ZNF454: variants seen among roughly 807,000 people sequenced by gnomAD.
ZNF454 encodes zinc finger protein 454.
Under a neutral mutation model 48.2 loss-of-function variants are expected in ZNF454, and 30 were observed. The observed-to-expected ratio is 0.62, with a 90% CI of 0.47 to 0.84. The LOEUF (loss-of-function observed/expected upper bound fraction) is 0.84. Ranked by LOEUF, ZNF454 falls within the 40% of genes least tolerant of loss-of-function variation. The pLI is 0.00. For missense variants in ZNF454, 510 were observed against 623.1 expected (o/e 0.82, Z 1.93); for synonymous variants, 204 against 211.4 (o/e 0.97, Z 0.30).
chr5:178,949,680 A>T (rs182506157), intron 4 of ZNF454, among the ~76,000 whole-genome samples: 3 of 151,882 alleles, frequency 2.0e-5, no homozygotes, highest in Middle Eastern at 3.4e-3. Flanking sequence ...GCAGTGGCGC[A>T]ATCTTGGTTC....
At chr5:178,948,647 C>G (rs1012536449) in intron 4 of ZNF454, among the ~76,000 whole-genome samples, 1 of 152,116 alleles carries the variant, frequency 6.6e-6, no homozygotes, top group Admixed American at 6.6e-5. Context: ...TTCTGAGTTT[C>G]GTGGAGATGC....
At chr5:178,974,353 T>C in the ZNF454 span, among the ~76,000 whole-genome samples, 1 of 152,150 alleles carries the variant, frequency 6.6e-6, no homozygotes, top group Non-Finnish European at 1.5e-5. Context: ...GGAGTCTCGC[T>C]GTGTCGCCAG....
downstream of ZNF454, among the ~76,000 whole-genome samples, chr5:178,968,028 C>T (rs538556429): frequency 7.1e-4 from 108 of 151,922 alleles, no homozygotes; most frequent in Non-Finnish European, 1.1e-3. Context: ...CATGAGCCAC[C>T]GCACCCGGCC....
chr5:178,976,915 G>A, the ZNF454 span, among the ~76,000 whole-genome samples: 1 of 152,124 alleles, frequency 6.6e-6, no homozygotes, highest in African/African-American at 2.4e-5. Flanking sequence ...GACCCAATCT[G>A]GCAGATTGTA....
chr5:178,986,082 C>G, the ZNF454 span: 2 of 1,563,456 alleles, frequency 1.3e-6, no homozygotes, highest in African/African-American at 2.7e-5. Context: ...TGTAACGTTG[C>G]GGACAGTCCC....
the ZNF454 span, chr5:178,989,542 C>G: frequency 9.0e-7 from 1 of 1,108,840 alleles, no homozygotes; most frequent in East Asian, 2.4e-5. Context: ...TAGGCATGGC[C>G]AGGTGAGCTA....
chr5:178,953,399 C>A (rs1759630499), intron 4 of ZNF454, among the ~76,000 whole-genome samples: 1 of 152,058 alleles, frequency 6.6e-6, no homozygotes, highest in South Asian at 2.1e-4. Context: ...TTAATTTGAT[C>A]TCATTATTTC....
At chr5:178,970,201 C>G (rs929399213), downstream of ZNF454, among the ~76,000 whole-genome samples, 1 of 152,112 alleles carries the variant, frequency 6.6e-6, no homozygotes, top group Non-Finnish European at 1.5e-5. Flanking sequence ...ATAGCCTCCC[C>G]TTATCTGATT....
the ZNF454 span, chr5:178,985,228 A>G: frequency 4.4e-6 from 2 of 455,200 alleles, no homozygotes; most frequent in Non-Finnish European, 8.8e-6. Flanking sequence ...ATGTGAGCCA[A>G]ATTGTAGAAG....
At chr5:178,972,406 A>G in the ZNF454 span, among the ~76,000 whole-genome samples, 2 of 151,460 alleles carry the variant, frequency 1.3e-5, no homozygotes, top group Non-Finnish European at 2.9e-5. Context: ...AAACATTTCC[A>G]TGAGCCCCTA....
the ZNF454 span, among the ~76,000 whole-genome samples, chr5:178,984,169 G>C: frequency 6.6e-6 from 1 of 151,808 alleles, no homozygotes; most frequent in East Asian, 2.0e-4. Flanking sequence ...CTAGAACAAG[G>C]CTCCAGGTGG....
chr5:178,974,087 C>T, the ZNF454 span, among the ~76,000 whole-genome samples: 1 of 152,064 alleles, frequency 6.6e-6, no homozygotes, highest in Non-Finnish European at 1.5e-5. Flanking sequence ...GAGTCTATGG[C>T]AGGAAAACGT....
chr5:178,947,115 C>T lies in ZNF454; in HGVS notation c.250+129C>T, dbSNP rs946486215. ...AGAAAGAGCCTGTTTCACATTCGTT[C>T]ACCTGAATACCTTGTTGCTACTTTT... is the stretch of plus-strand genomic sequence containing the variant. On this transcript the variant is annotated intron_variant, in intron 4 of 4. Coordinates refer to ENST00000519564, the MANE Select transcript of ZNF454 (RefSeq NM_001178089.3). 1.2e-5 allele frequency: 9 copies of T among 732,308 alleles called. No individual in the cohort carries two copies. In the African/African-American group the frequency reaches 1.4e-4, roughly 11 times the overall value. The allele number at this position is 732,308 out of a possible 1,614,324, so 45.4% of individuals were successfully genotyped here. A position where few individuals can be genotyped will look rare whatever the true frequency, so the allele number is the denominator to read the frequency against.
the ZNF454 span, among the ~76,000 whole-genome samples, chr5:178,985,091 G>A: frequency 6.6e-6 from 1 of 152,144 alleles, no homozygotes; most frequent in African/African-American, 2.4e-5. Context: ...GATGGAATTC[G>A]ATGCTCTTCC....
At chr5:178,986,755 TG>T in the ZNF454 span, 1 of 1,608,586 alleles carries the variant, frequency 6.2e-7, no homozygotes, top group Non-Finnish European at 8.5e-7. Context: ...GGCCTCCACC[TG>T]GGACGCACAA....
chr5:178,956,039 C>A (rs931790123), intron 4 of ZNF454, among the ~76,000 whole-genome samples: 11 of 152,172 alleles, frequency 7.2e-5, no homozygotes. Context: ...AACCACTGTC[C>A]TCCACCACAT....
At chr5:178,989,575 G>A in the ZNF454 span, among the ~76,000 whole-genome samples, 6 of 151,276 alleles carry the variant, frequency 4.0e-5, no homozygotes, top group Middle Eastern at 3.4e-3. Context: ...TGAGTTAGGC[G>A]TGGCCAGGTG....
In ZNF454 at chr5:178,946,568, G is replaced by A. The variant is rs141034178; in HGVS notation, c.160+83G>A. ...ACATTGACACCATATAGAAGAGTCG[G>A]TTGGACCAACTGAGGACGCTGTCTT... is the stretch of plus-strand genomic sequence containing the variant. On this transcript the variant is annotated intron_variant, in intron 3 of 4. Coordinates refer to ENST00000519564, the MANE Select transcript of ZNF454 (RefSeq NM_001178089.3). This position sits in a 1 kb window ranked among gnomAD's most constrained non-coding sequence, Gnocchi z 4.5. 8.7e-5 allele frequency: 131 copies of A among 1,505,900 alleles called. No homozygotes were observed. In the African/African-American group the frequency reaches 1.6e-3, roughly 19 times the overall value. The allele number at this position is 1,505,900 out of a possible 1,614,324, so 93.3% of individuals were successfully genotyped here. A position where few individuals can be genotyped will look rare whatever the true frequency, so the allele number is the denominator to read the frequency against.
At chr5:178,952,086 G>T (rs1759579304) in intron 4 of ZNF454, among the ~76,000 whole-genome samples, 2 of 151,436 alleles carry the variant, frequency 1.3e-5, no homozygotes, top group Admixed American at 6.6e-5. Flanking sequence ...CGCCCAGGCG[G>T]GAGTGCTGTG....
Sources: gnomAD v4.1 joint callset for allele counts (sites outside exome capture counted in the v4.1 genomes callset) on GRCh38, gnomAD v4.1.1 for gene constraint, Gnocchi (gnomAD v3.1) non-coding constraint, MANE v1.5 for transcripts, NCBI Gene and HGNC (gene_info 2026-07-23, HGNC 2026-07-21) for gene names.